Variants in SYT9 observed in about 807,000 individuals in gnomAD.
SYT9 encodes the protein synaptotagmin-9.
A neutral mutation model predicts 48.4 loss-of-function variants in SYT9; 22 were observed. The ratio of observed to expected loss-of-function variants is 0.45; its 90% CI spans 0.32 to 0.65. SYT9 has a LOEUF of 0.65. Ranked by LOEUF, SYT9 falls within the 30% of genes least tolerant of loss-of-function variation. SYT9 has a pLI of 0.03. For missense variants in SYT9, 577 were observed against 622.0 expected, an observed-to-expected ratio of 0.93 and a Z score of 0.77; for synonymous variants, 265 against 245.0, an observed-to-expected ratio of 1.08 and a Z score of -0.76.
At chr11:7,286,759 T>C (rs903242536) in intron 1 of SYT9, among the ~76,000 whole-genome samples, 2 of 152,172 alleles carry the variant, frequency 1.3e-5, no homozygotes, top group Non-Finnish European at 2.9e-5. Flanking sequence ...GGCAAAATGC[T>C]GCCAGTCTCT....
chr11:7,415,352 G>A (rs1384986432), intron 3 of SYT9, among the ~76,000 whole-genome samples: 2 of 152,156 alleles, frequency 1.3e-5, no homozygotes, highest in Non-Finnish European at 2.9e-5. Context: ...AGTTTCCAGG[G>A]TCCAGTGGAG....
chr11:7,412,394 T>G (rs1847153006), intron 3 of SYT9, among the ~76,000 whole-genome samples: 1 of 152,246 alleles, frequency 6.6e-6, no homozygotes, highest in Non-Finnish European at 1.5e-5. Context: ...ACTTTGGCTT[T>G]GATTTTGGAT....
At chr11:7,453,497 T>C (rs983344772) in intron 6 of SYT9, among the ~76,000 whole-genome samples, 2 of 152,058 alleles carry the variant, frequency 1.3e-5, no homozygotes, top group African/African-American at 4.8e-5. Context: ...AGGCAGTGAG[T>C]GGGGACCCCT....
At chr11:7,415,180 A>G (rs1242348857) in intron 3 of SYT9, among the ~76,000 whole-genome samples, 1 of 152,188 alleles carries the variant, frequency 6.6e-6, no homozygotes, top group Non-Finnish European at 1.5e-5. Flanking sequence ...GGCAGGCAGC[A>G]GGGCCACCTG....
intron 6 of SYT9, 132 bp downstream of exon 6, chr11:7,420,767 G>T: frequency 1.8e-6 from 2 of 1,119,476 alleles, no homozygotes; most frequent in South Asian, 3.2e-5. Flanking sequence ...GCATTTCCTG[G>T]GGCTGTTGGG....
intron 3 of SYT9, among the ~76,000 whole-genome samples, chr11:7,371,924 A>T (rs535158512): frequency 6.6e-6 from 1 of 152,022 alleles, no homozygotes. Context: ...GGTTGTTTCA[A>T]ATTTTTTGTT....
intron 3 of SYT9, among the ~76,000 whole-genome samples, chr11:7,407,393 A>T (rs1358866034): frequency 7.5e-4 from 12 of 16,080 alleles, no homozygotes; most frequent in East Asian, 1.9e-3. Context: ...TTTTTTTTTG[A>T]GACGGAGTCT....
In SYT9 at chr11:7,397,918, C is replaced by T. The variant is rs538336786; in HGVS notation, c.1045-18124C>T. On this transcript the variant is annotated intron_variant, in intron 3 of 6. Coordinates refer to ENST00000318881, the MANE Select transcript of SYT9 (RefSeq NM_175733.4). Reference sequence around the variant, plus strand: ...GGATTTTCTGCATAAGTAAGCATTGCATTGGAAGTTAAGATGATTTTGCTT... The same window carrying T: ...GGATTTTCTGCATAAGTAAGCATTGTATTGGAAGTTAAGATGATTTTGCTT... 8.4e-4 allele frequency among the ~76,000 whole-genome samples: 128 copies of T among 152,204 alleles called. 4 individuals carry two copies. The South Asian group carries it at 0.026, about 31-fold the overall frequency.
At chr11:7,269,990 A>G (rs1372123955) in intron 1 of SYT9, among the ~76,000 whole-genome samples, 1 of 152,178 alleles carries the variant, frequency 6.6e-6, no homozygotes, top group Non-Finnish European at 1.5e-5. Flanking sequence ...TGCAAAGTTC[A>G]TTATCAGCAA....
At chr11:7,343,836 C>T (rs1310518239) in intron 3 of SYT9, among the ~76,000 whole-genome samples, 1 of 152,124 alleles carries the variant, frequency 6.6e-6, no homozygotes, top group Admixed American at 6.6e-5. Context: ...GCTGGGGAGG[C>T]CTCACAATCA....
chr11:7,392,008 A>G (rs1360502327), intron 3 of SYT9, among the ~76,000 whole-genome samples: 3 of 151,814 alleles, frequency 2.0e-5, no homozygotes, highest in Non-Finnish European at 4.4e-5. Flanking sequence ...TAGATTCTGT[A>G]TATTAGTCCT....
At chr11:7,455,159 C>G (rs1205345794) in intron 6 of SYT9, among the ~76,000 whole-genome samples, 13 of 151,378 alleles carry the variant, frequency 8.6e-5, no homozygotes, top group African/African-American at 3.2e-4. Context: ...CTTGTATCCT[C>G]TTTTCAAACA....
At chr11:7,258,571 A>T (rs1848020355) in intron 1 of SYT9, among the ~76,000 whole-genome samples, 4 of 152,138 alleles carry the variant, frequency 2.6e-5, no homozygotes, top group Admixed American at 2.0e-4. Flanking sequence ...AAGAAAAAAA[A>T]ATCTTCTAGG....
intron 2 of SYT9, among the ~76,000 whole-genome samples, chr11:7,312,105 G>C (rs961511683): frequency 1.3e-5 from 2 of 152,292 alleles, no homozygotes; most frequent in African/African-American, 4.8e-5. Context: ...GATGTGACAG[G>C]TACCAGTGAC....
At chr11:7,406,535 CATAT>C (rs57371051) in intron 3 of SYT9, among the ~76,000 whole-genome samples, 8,820 of 135,156 alleles carry the variant, frequency 0.065, 267 homozygotes, top group Admixed American at 0.078. Context: ...TTCAATTGCG[CATAT>C]ATATATATAT....
At chr11:7,380,344 A>G (rs1186656802) in intron 3 of SYT9, among the ~76,000 whole-genome samples, 1 of 152,156 alleles carries the variant, frequency 6.6e-6, no homozygotes, top group Non-Finnish European at 1.5e-5. Context: ...AAAAATTAGA[A>G]TGAATAAGAC....
intron 5 of SYT9, 146 bp downstream of exon 5, chr11:7,418,274 C>A: frequency 1.2e-6 from 1 of 811,566 alleles, no homozygotes; most frequent in Non-Finnish European, 1.9e-6. Context: ...AGCACATTGA[C>A]AGGAGTCACC....
intron 3 of SYT9, among the ~76,000 whole-genome samples, chr11:7,408,507 A>G (rs991050722): frequency 2.6e-5 from 4 of 152,110 alleles, no homozygotes; most frequent in African/African-American, 4.8e-5. Context: ...TGTCCTCTTC[A>G]ATTTCTTCAT....
intron 3 of SYT9, among the ~76,000 whole-genome samples, chr11:7,369,782 C>G (rs937155019): frequency 8.9e-6 from 1 of 111,962 alleles, no homozygotes; most frequent in Non-Finnish European, 1.8e-5. Flanking sequence ...ACACACCACA[C>G]ACACACACAC....
Sources: gnomAD v4.1 joint callset for allele counts (sites outside exome capture counted in the v4.1 genomes callset) on GRCh38, gnomAD v4.1.1 for gene constraint, MANE v1.5 for transcripts, NCBI Gene and HGNC (gene_info 2026-07-23, HGNC 2026-07-21) for gene names.